The following VGLL4 variants were observed in gnomAD, a reference collection of about 807,000 sequenced individuals.
VGLL4 encodes transcription cofactor vestigial-like protein 4.
In VGLL4, 7 loss-of-function variants were observed where a neutral mutation model predicts 21.0. That is an observed-to-expected ratio of 0.33 (90% CI 0.19 to 0.63). VGLL4 has a LOEUF of 0.63. Among genes scored for constraint, VGLL4 ranks in the 20% least tolerant of loss-of-function variants. The pLI is 0.78. For missense variants in VGLL4, 394 were observed against 425.7 expected, an observed-to-expected ratio of 0.93 and a Z score of 0.66; for synonymous variants, 222 against 173.2, an observed-to-expected ratio of 1.28 and a Z score of -2.21.
intron 3 of VGLL4, among the ~76,000 whole-genome samples, chr3:11,563,001 G>T (rs1218625443): frequency 6.6e-6 from 1 of 152,248 alleles, no homozygotes; most frequent in African/African-American, 2.4e-5. Context: ...GGTAAAGAGA[G>T]TCAGGCCACT....
chr3:11,652,514 G>A (rs367666986), intron 2 of VGLL4, among the ~76,000 whole-genome samples: 9 of 152,150 alleles, frequency 5.9e-5, no homozygotes, highest in Non-Finnish European at 1.2e-4. Flanking sequence ...TCTGCCCCCC[G>A]GGTTCAAGCG....
intron 4 of VGLL4, 126 bp from the exon 5 acceptor site, chr3:11,558,953 G>T: frequency 1.7e-6 from 2 of 1,163,330 alleles, no homozygotes; most frequent in Non-Finnish European, 2.4e-6. Flanking sequence ...GGGCTCTGCA[G>T]ACAGAACCCA....
intron 2 of VGLL4, among the ~76,000 whole-genome samples, chr3:11,652,913 A>C (rs1465108263): frequency 6.6e-6 from 1 of 152,248 alleles, no homozygotes; most frequent in African/African-American, 2.4e-5. Flanking sequence ...CAACCAATTT[A>C]GGTTCAGTAA....
In VGLL4 at chr3:11,637,418, A is replaced by G. The variant is rs553222604; in HGVS notation, c.82+6019T>C. On this transcript the variant is annotated intron_variant, in intron 1 of 4. Coordinates refer to ENST00000430365, the MANE Select transcript of VGLL4 (RefSeq NM_001128219.3). Reference sequence around the variant, plus strand: ...TAAGTTTTCTCTAATCACTTACTAGATATATTTCAGTTTGTCATGTTTACA... The same window carrying G: ...TAAGTTTTCTCTAATCACTTACTAGGTATATTTCAGTTTGTCATGTTTACA... Among the ~76,000 whole-genome samples the G allele has an allele frequency of 1.5e-3, 223 of 152,334 alleles. 1 individual carries two copies. Among genetic ancestry groups the G allele is most frequent in the African/African-American group, 5.1e-3 (211 of 41,566 alleles).
chr3:11,607,027 T>C (rs1227016545), intron 1 of VGLL4, among the ~76,000 whole-genome samples: 1 of 152,154 alleles, frequency 6.6e-6, no homozygotes, highest in African/African-American at 2.4e-5. Flanking sequence ...GAAAACAGTC[T>C]GACAGCTCCT....
intron 2 of VGLL4, among the ~76,000 whole-genome samples, chr3:11,587,880 G>C (rs1242351794): frequency 6.6e-6 from 1 of 152,238 alleles, no homozygotes; most frequent in East Asian, 1.9e-4. Context: ...TCAACACCGG[G>C]ATGAGATCAC....
intron 2 of VGLL4, chr3:11,702,731 CAAAA>C: frequency 7.7e-6 from 1 of 129,810 alleles, no homozygotes; most frequent in Non-Finnish European, 1.5e-5. Flanking sequence ...GATCCCATCT[CAAAA>C]AAAAAAAAAC....
At chr3:11,677,010 C>T (rs34301368) in intron 2 of VGLL4, among the ~76,000 whole-genome samples, 80,312 of 151,984 alleles carry the variant, frequency 0.53, 22,287 homozygotes, top group Non-Finnish European at 0.63. Context: ...AAAACTGTTA[C>T]ACTTTTTTTA....
chr3:11,705,430 T>C (rs1001003233), intron 1 of VGLL4, among the ~76,000 whole-genome samples: 29 of 152,208 alleles, frequency 1.9e-4, no homozygotes, highest in Non-Finnish European at 3.8e-4. Flanking sequence ...AACGACCTCC[T>C]AACACACGCA....
At chr3:11,692,312 G>A (rs1281881606) in intron 2 of VGLL4, among the ~76,000 whole-genome samples, 3 of 152,208 alleles carry the variant, frequency 2.0e-5, no homozygotes, top group Admixed American at 6.5e-5. Context: ...GACACTGGTA[G>A]TAGCTGTCTC....
At chr3:11,677,195 A>G (rs2076303169) in intron 2 of VGLL4, among the ~76,000 whole-genome samples, 1 of 152,184 alleles carries the variant, frequency 6.6e-6, no homozygotes, top group Non-Finnish European at 1.5e-5. Flanking sequence ...AGTTAATGGT[A>G]TGAGTAGTGT....
chr3:11,586,570 G>C (rs1323204074), intron 2 of VGLL4, among the ~76,000 whole-genome samples: 1 of 152,182 alleles, frequency 6.6e-6, no homozygotes, highest in Non-Finnish European at 1.5e-5. Flanking sequence ...AAACAATACA[G>C]TATAACAACC....
chr3:11,673,277 T>C (rs1325112529), intron 2 of VGLL4, among the ~76,000 whole-genome samples: 1 of 151,914 alleles, frequency 6.6e-6, no homozygotes, highest in Non-Finnish European at 1.5e-5. Flanking sequence ...TACCTCAGAA[T>C]TACAGTATCC....
At chr3:11,654,491 A>G (rs982927194) in intron 2 of VGLL4, among the ~76,000 whole-genome samples, 2 of 152,236 alleles carry the variant, frequency 1.3e-5, no homozygotes, top group African/African-American at 4.8e-5. Flanking sequence ...ACTAAAAATA[A>G]GGGGAGTTTT....
intron 3 of VGLL4, among the ~76,000 whole-genome samples, chr3:11,563,365 C>T (rs2073201333): frequency 6.6e-6 from 1 of 152,244 alleles, no homozygotes; most frequent in African/African-American, 2.4e-5. Context: ...TTGAGCTTCC[C>T]AAAGCAGAAA....
Position 11,568,526 on chromosome 3 carries a change from C to A in VGLL4, c.273-3507G>T. 1.3e-6 allele frequency: 2 copies of A among 1,537,236 alleles called. No homozygotes were observed. The highest frequency in any genetic ancestry group is 2.4e-5 in the South Asian group (2 of 83,592). On this transcript the variant is annotated intron_variant, in intron 2 of 4. Coordinates refer to ENST00000430365, the MANE Select transcript of VGLL4 (RefSeq NM_001128219.3). This position sits in a 1 kb window ranked among gnomAD's most constrained non-coding sequence, Gnocchi z 5.9. ...ACACAGCACAGTGGGCACTATGGGT[C>A]AGACAAAGACACTGAAAACAGCGAG...
intron 2 of VGLL4, among the ~76,000 whole-genome samples, chr3:11,682,504 G>A (rs1344023522): frequency 3.9e-5 from 6 of 151,948 alleles, no homozygotes; most frequent in African/African-American, 1.4e-4. Flanking sequence ...CTCGAGCCCA[G>A]GAGGTGGAAG....
chr3:11,603,082 C>A (rs1559893351), intron 1 of VGLL4, among the ~76,000 whole-genome samples: 1 of 152,172 alleles, frequency 6.6e-6, no homozygotes, highest in Non-Finnish European at 1.5e-5. Context: ...GAAAAGGAAT[C>A]TTTGTTTGCC....
At chr3:11,574,276 T>G (rs939613474) in intron 2 of VGLL4, among the ~76,000 whole-genome samples, 1 of 152,216 alleles carries the variant, frequency 6.6e-6, no homozygotes, top group Non-Finnish European at 1.5e-5. Context: ...TTCTGCTTTA[T>G]CTATGATCAA....
Sources: gnomAD v4.1 joint callset for allele counts (sites outside exome capture counted in the v4.1 genomes callset) on GRCh38, gnomAD v4.1.1 for gene constraint, Gnocchi (gnomAD v3.1) non-coding constraint, MANE v1.5 for transcripts, NCBI Gene and HGNC (gene_info 2026-07-23, HGNC 2026-07-21) for gene names.